The following PDE5A variants were observed in gnomAD, a reference collection of about 807,000 sequenced individuals.
PDE5A encodes phosphodiesterase 5A.
A neutral mutation model predicts 110.2 loss-of-function variants in PDE5A; 67 were observed. That is an observed-to-expected ratio of 0.61 (90% CI 0.50 to 0.75). The LOEUF is 0.75. Among genes scored for constraint, PDE5A ranks in the 30% least tolerant of loss-of-function variants. The pLI, the probability that PDE5A is intolerant of heterozygous loss-of-function variation, is 0.00. For missense variants in PDE5A, 862 were observed against 1,045.1 expected (o/e 0.82, Z 2.42); for synonymous variants, 328 against 351.2 (o/e 0.93, Z 0.74).
At chr4:119,540,899 C>A (rs1726904734) in intron 10 of PDE5A, among the ~76,000 whole-genome samples, 2 of 152,000 alleles carry the variant, frequency 1.3e-5, no homozygotes, top group South Asian at 2.1e-4. Flanking sequence ...ACACATATGA[C>A]CTGAAATCAA....
At chr4:119,570,559 A>G (rs17358524) in intron 3 of PDE5A, among the ~76,000 whole-genome samples, 15,629 of 152,228 alleles carry the variant, frequency 0.1, 1,037 homozygotes, top group Non-Finnish European at 0.15. Context: ...AGGAATGCAA[A>G]GGCCAAGACT....
chr4:119,626,620 G>GC (rs11453574), intron 1 of PDE5A, among the ~76,000 whole-genome samples: 2,203 of 152,304 alleles, frequency 0.014, 57 homozygotes, highest in African/African-American at 0.05. Flanking sequence ...GAAAGTGGGT[G>GC]CAGATGGCCT....
At position 119,505,878 on chromosome 4, in the gene PDE5A, A is replaced by G; in HGVS notation, c.2244T>C (p.Asp748=). The G allele has an allele frequency of 6.4e-7, 1 of 1,570,664 alleles. No homozygotes were observed. The highest frequency in any genetic ancestry group is 8.6e-7 in the Non-Finnish European group (1 of 1,158,396). The stretch of plus-strand genomic sequence containing the variant: ...ACAAAAACAACTCCTTTTGATGAGG[A>G]TCTTCCAAATTGAATTGATTTTTTC... ...LIRKNQFNLE[D]PHQKELFLAM... Residue 748 remains aspartate (D), a synonymous_variant, in exon 17 of 21, where the codon GAT becomes GAC. Transcript: ENST00000354960.
chr4:119,596,567 T>A lies in PDE5A; in HGVS notation c.787A>T (p.Thr263Ser), dbSNP rs770436837. The A allele has an allele frequency of 1.2e-6, 2 of 1,603,536 alleles. No individual in the cohort carries two copies. Among genetic ancestry groups the A allele is most frequent in the Non-Finnish European group, 1.7e-6 (2 of 1,174,862 alleles). The change falls in exon 3 of 21, where the codon ACA (threonine) becomes TCA (serine). Residue 263 changes from threonine to serine, a missense_variant. By Grantham distance (58) the Thr-to-Ser change is moderately conservative (BLOSUM62 1). Transcript: ENST00000354960. ...ATTGGCATACAAAGAATGCTTTGTG[T>A]CTTGTAGCCTGTAATTTGGTCAACT... ...AEVDQITGYK[T>S]QSILCMPIKN...
intron 20 of PDE5A, among the ~76,000 whole-genome samples, chr4:119,500,532 T>G (rs1416774292): frequency 6.6e-6 from 1 of 152,170 alleles, no homozygotes; most frequent in Non-Finnish European, 1.5e-5. Flanking sequence ...CATTCTATGA[T>G]AACTCCATGA....
chr4:119,582,065 G>A (rs1053002958), intron 3 of PDE5A, among the ~76,000 whole-genome samples: 6 of 152,150 alleles, frequency 3.9e-5, no homozygotes, highest in African/African-American at 7.2e-5. Context: ...TTGCCACCAC[G>A]GATTGACTCT....
At chr4:119,564,267 G>C (rs1271888350) in intron 5 of PDE5A, among the ~76,000 whole-genome samples, 2 of 152,038 alleles carry the variant, frequency 1.3e-5, no homozygotes, top group East Asian at 1.9e-4. Context: ...CTGAGAAACT[G>C]ATTTTTCAGT....
intron 4 of PDE5A, among the ~76,000 whole-genome samples, 161 bp from the exon 5 acceptor site, chr4:119,565,571 A>G (rs1244455716): frequency 1.3e-5 from 2 of 152,144 alleles, no homozygotes; most frequent in African/African-American, 4.8e-5. Context: ...AGCTAAAGGT[A>G]TTGGAATAGT....
At chr4:119,570,537 G>A (rs1225156596) in intron 3 of PDE5A, among the ~76,000 whole-genome samples, 7 of 152,308 alleles carry the variant, frequency 4.6e-5, no homozygotes, top group South Asian at 4.1e-4. Context: ...TCACAGGGTC[G>A]AGTGTTCTTT....
rs1553929965 is a variant in PDE5A at position 119,606,306 on chromosome 4, G to GT, written c.741+402dup. 8.1e-3 allele frequency among the ~76,000 whole-genome samples: 885 copies of GT among 109,666 alleles called. 8 individuals are homozygous for GT. The highest frequency in any genetic ancestry group is 0.031 in the African/African-American group (835 of 26,760). The allele number at this position is 109,666 out of a possible 152,430, so 71.9% of individuals were successfully genotyped here. A position where few individuals can be genotyped will look rare whatever the true frequency, so the allele number is the denominator to read the frequency against. On this transcript the variant is annotated intron_variant, in intron 2 of 20. Transcript: ENST00000354960. ...ATGAATGAATGAAAAGAGACTATGA[G>GT]TTTTTTTTTGTTTTTGCACCTATCA...
intron 1 of PDE5A, among the ~76,000 whole-genome samples, chr4:119,621,944 G>A (rs1236776369): frequency 6.6e-6 from 1 of 152,102 alleles, no homozygotes; most frequent in Non-Finnish European, 1.5e-5. Context: ...GCCGAGGCGG[G>A]GGGATCACCA....
chr4:119,503,952 T>A (rs532231471), intron 18 of PDE5A, among the ~76,000 whole-genome samples: 64 of 152,020 alleles, frequency 4.2e-4, no homozygotes, highest in Middle Eastern at 3.4e-3. Context: ...CTTAAAAAAA[T>A]TTTTTTTATT....
At chr4:119,503,755 A>G (rs1443112523) in intron 18 of PDE5A, among the ~76,000 whole-genome samples, 2 of 152,138 alleles carry the variant, frequency 1.3e-5, no homozygotes, top group African/African-American at 2.4e-5. Context: ...AGCCTTTCAC[A>G]CTGAAATGAA....
chr4:119,544,929 A>G (rs1263065012), intron 9 of PDE5A, among the ~76,000 whole-genome samples: 2 of 152,196 alleles, frequency 1.3e-5, no homozygotes, highest in Non-Finnish European at 2.9e-5. Context: ...TAACAAATAC[A>G]GCTCAGAGCA....
At chr4:119,504,726 CAAAGAA>C (rs1181336192) in intron 17 of PDE5A, 127 bp from the exon 18 acceptor site, 1 of 572,482 alleles carries the variant, frequency 1.7e-6, no homozygotes, top group African/African-American at 1.9e-5. Context: ...TTATAAAGAC[CAAAGAA>C]AAAGAAACAA....
intron 1 of PDE5A, among the ~76,000 whole-genome samples, chr4:119,619,753 C>T (rs10021469): frequency 0.94 from 143,660 of 152,304 alleles, 67,822 homozygotes; most frequent in Non-Finnish European, 0.97. Flanking sequence ...TAAGGAAACA[C>T]GCATTATTTC....
At chr4:119,504,700 C>A in intron 17 of PDE5A, 101 bp from the exon 18 acceptor site, 1 of 809,690 alleles carries the variant, frequency 1.2e-6, no homozygotes, top group East Asian at 2.7e-5. Flanking sequence ...ACCCTCTAAA[C>A]AATGGAAATG....
chr4:119,609,730 A>G (rs1240696287), intron 1 of PDE5A, among the ~76,000 whole-genome samples: 1 of 152,194 alleles, frequency 6.6e-6, no homozygotes, highest in Non-Finnish European at 1.5e-5. Flanking sequence ...ACTATAGTTA[A>G]TAATAATGTA....
At chr4:119,555,956 A>G (rs1175629733) in intron 7 of PDE5A, among the ~76,000 whole-genome samples, 1 of 152,246 alleles carries the variant, frequency 6.6e-6, no homozygotes, top group Non-Finnish European at 1.5e-5. Context: ...AACTCAATAA[A>G]TAAAGATTGA....
Sources: gnomAD v4.1 joint callset for allele counts (sites outside exome capture counted in the v4.1 genomes callset) on GRCh38, gnomAD v4.1.1 for gene constraint, MANE v1.5 for transcripts, NCBI Gene and HGNC (gene_info 2026-07-23, HGNC 2026-07-21) for gene names.